Variants in PRKACB observed in about 807,000 individuals in gnomAD.
PRKACB encodes the protein cAMP-dependent protein kinase catalytic subunit beta.
Under a neutral mutation model 51.4 loss-of-function variants are expected in PRKACB, and 16 were observed. The ratio of observed to expected loss-of-function variants is 0.31; its 90% confidence interval spans 0.21 to 0.47. The LOEUF is 0.47. Ranked by LOEUF, PRKACB falls within the 20% of genes least tolerant of loss-of-function variation. PRKACB has a pLI of 1.00. For missense variants in PRKACB, 309 were observed against 464.5 expected (o/e 0.67, Z 3.08); for synonymous variants, 147 against 154.4 (o/e 0.95, Z 0.35).
chr1:84,180,205 T>TATATATATATATATATATATATATATAG (rs1278315117), intron 2 of PRKACB, among the ~76,000 whole-genome samples: 1 of 124,380 alleles, frequency 8.0e-6, no homozygotes, highest in African/African-American at 2.9e-5. Flanking sequence ...TATATATATA[T>TATATATATATATATATATATATATATAG]ATATGTATGA....
At chr1:84,111,415 A>C (rs534052330) in intron 1 of PRKACB, among the ~76,000 whole-genome samples, 1 of 152,260 alleles carries the variant, frequency 6.6e-6, no homozygotes, top group African/African-American at 2.4e-5. Context: ...GGGTTAGTTC[A>C]ATGCTAAATC....
At chr1:84,094,149 A>G (rs148822476) in intron 1 of PRKACB, among the ~76,000 whole-genome samples, 6 of 152,134 alleles carry the variant, frequency 3.9e-5, no homozygotes, top group African/African-American at 1.4e-4. Context: ...TCATGATAAC[A>G]GCCACACTTG....
rs560156932 is a variant in PRKACB, at chr1:84,205,065, C to T, written c.906+2260C>T. On this transcript the variant is annotated intron_variant, in intron 8 of 9. Transcript: ENST00000370685. Reference sequence around the variant, plus strand: ...TTATATCACAATATTCTGTTTTCCCCTTCATTTATTTAGAAATATGACAGG... The same window carrying T: ...TTATATCACAATATTCTGTTTTCCCTTTCATTTATTTAGAAATATGACAGG... 1.5e-5 allele frequency: 15 copies of T among 982,516 alleles called. No individual in the cohort carries two copies. The East Asian group carries it at 1.6e-3, about 104-fold the overall frequency. 60.9% of individuals were successfully genotyped at this position (982,516 alleles called of 1,614,324 possible). A position where few individuals can be genotyped will look rare whatever the true frequency, so the allele number is the denominator to read the frequency against.
chr1:84,078,268 C>T (rs1476628647), exon 1 of PRKACB: 2 of 1,533,714 alleles, frequency 1.3e-6, no homozygotes, highest in Non-Finnish European at 8.8e-7. Context: ...TGTGGAGTGG[C>T]GGGCACGGCC....
chr1:84,150,648 T>A (rs1179455245), intron 1 of PRKACB, among the ~76,000 whole-genome samples: 1 of 152,178 alleles, frequency 6.6e-6, no homozygotes, highest in Non-Finnish European at 1.5e-5. Context: ...TTGCTCCCTC[T>A]CTTTGCCTGT....
chr1:84,185,260 C>A, intron 5 of PRKACB, 78 bp downstream of exon 5: 1 of 1,045,850 alleles, frequency 9.6e-7, no homozygotes, highest in South Asian at 1.7e-5. Context: ...ATGCCAATGC[C>A]AAAAACTTAT....
intron 1 of PRKACB, among the ~76,000 whole-genome samples, chr1:84,123,041 C>T (rs1034708262): frequency 3.9e-5 from 6 of 152,088 alleles, no homozygotes; most frequent in African/African-American, 9.7e-5. Context: ...GTCATCTAAC[C>T]GTTCTGCCAT....
chr1:84,127,997 C>CTTTTTT (rs202007529), intron 1 of PRKACB, among the ~76,000 whole-genome samples: 1 of 128,894 alleles, frequency 7.8e-6, no homozygotes, highest in Non-Finnish European at 1.6e-5. Flanking sequence ...TATTTCTTTT[C>CTTTTTT]TTTTTTTTTC....
intron 9 of PRKACB, among the ~76,000 whole-genome samples, chr1:84,224,389 T>C (rs140158500): frequency 6.6e-6 from 1 of 152,300 alleles, no homozygotes; most frequent in Non-Finnish European, 1.5e-5. Context: ...GCATAAGCGA[T>C]TGTAATAGTG....
At chr1:84,128,007 C>CT (rs10537848) in intron 1 of PRKACB, among the ~76,000 whole-genome samples, 1,910 of 105,384 alleles carry the variant, frequency 0.018, 26 homozygotes, top group African/African-American at 0.021. Flanking sequence ...CTTTTTTTTT[C>CT]TTTTTTTTTT....
intron 2 of PRKACB, 22 bp from the exon 3 acceptor site, chr1:84,182,178 T>G: frequency 2.1e-6 from 3 of 1,461,480 alleles, no homozygotes; most frequent in Non-Finnish European, 2.8e-6. Context: ...ATTTTAAATT[T>G]TATTTATGTA....
intron 1 of PRKACB, among the ~76,000 whole-genome samples, chr1:84,178,561 T>G (rs1016817010): frequency 1.3e-5 from 2 of 152,180 alleles, no homozygotes; most frequent in East Asian, 3.9e-4. Context: ...ATTTAGTTTA[T>G]GCTGCAAATT....
intron 9 of PRKACB, among the ~76,000 whole-genome samples, chr1:84,221,085 T>C (rs1159295563): frequency 6.6e-6 from 1 of 152,150 alleles, no homozygotes; most frequent in Non-Finnish European, 1.5e-5. Flanking sequence ...TTTTCTTTAA[T>C]GTTTGATGGG....
chr1:84,131,821 G>T (rs1362041855), intron 1 of PRKACB, among the ~76,000 whole-genome samples: 1 of 152,184 alleles, frequency 6.6e-6, no homozygotes, highest in Non-Finnish European at 1.5e-5. Flanking sequence ...GACACCTCTG[G>T]GAGCAGCAGT....
intron 1 of PRKACB, among the ~76,000 whole-genome samples, chr1:84,097,814 C>T (rs1340197285): frequency 1.3e-5 from 2 of 151,960 alleles, no homozygotes; most frequent in African/African-American, 2.4e-5. Context: ...ACAAAACGTG[C>T]GAATTTGCCC....
intron 7 of PRKACB, among the ~76,000 whole-genome samples, chr1:84,201,835 A>AT (rs1423076872): frequency 6.6e-6 from 1 of 152,082 alleles, no homozygotes; most frequent in Non-Finnish European, 1.5e-5. Flanking sequence ...CATAGTTAAT[A>AT]AACTATATTA....
intron 1 of PRKACB, among the ~76,000 whole-genome samples, chr1:84,106,917 A>G (rs376393494): frequency 7.1e-4 from 108 of 152,262 alleles, no homozygotes; most frequent in African/African-American, 2.3e-3. Flanking sequence ...ACATGGACCA[A>G]TGGAACAGAA....
Position 84,171,173 on chromosome 1 carries a change from G to A in PRKACB, c.188-8004G>A, listed in dbSNP as rs561421974. Among the ~76,000 whole-genome samples the A allele has an allele frequency of 9.2e-4, 140 of 151,686 alleles. 2 individuals are homozygous for A. In the South Asian group the frequency reaches 0.026, roughly 28 times the overall value. On this transcript the variant is annotated intron_variant, in intron 1 of 9. Coordinates refer to ENST00000370685, the MANE Select transcript of PRKACB (RefSeq NM_182948.4). The stretch of plus-strand genomic sequence containing the variant: ...TATGTATCAGAACTTGTGGGGTGCA[G>A]CAAAAGTGGATATAGAGTTAAATTT...
chr1:84,157,892 A>G (rs1300668720), intron 1 of PRKACB, among the ~76,000 whole-genome samples: 1 of 152,082 alleles, frequency 6.6e-6, no homozygotes, highest in Non-Finnish European at 1.5e-5. Flanking sequence ...ATATGTTTTT[A>G]TTTCTCTTGG....
Sources: allele counts gnomAD v4.1 joint callset (sites outside exome capture counted in the v4.1 genomes callset), GRCh38; gene constraint gnomAD v4.1.1; transcripts MANE v1.5; gene names NCBI Gene and HGNC (gene_info 2026-07-23, HGNC 2026-07-21).